The following PDSS2 variants were observed in gnomAD, a reference collection of about 807,000 sequenced individuals.
The protein encoded by PDSS2 is decaprenyl diphosphate synthase subunit 2.
Under a neutral mutation model 44.5 loss-of-function variants are expected in PDSS2, and 31 were observed. That is an observed-to-expected ratio of 0.70 (90% CI 0.52 to 0.94). The LOEUF is 0.94. PDSS2 is among the 40% of genes least tolerant of loss of function. The probability of loss-of-function intolerance (pLI) is 0.00; values close to 1 mark genes in which losing one functional copy is unlikely to be tolerated. For missense variants in PDSS2, 452 were observed against 482.2 expected (o/e 0.94, Z 0.59); for synonymous variants, 157 against 180.3 (o/e 0.87, Z 1.03).
chr6:107,242,440 A>AT (rs1188306410), intron 4 of PDSS2, among the ~76,000 whole-genome samples: 1 of 151,812 alleles, frequency 6.6e-6, no homozygotes, highest in Non-Finnish European at 1.5e-5. Flanking sequence ...ATTTTTTTAT[A>AT]TTTTTAGTAG....
chr6:107,371,329 T>C (rs773332288), intron 1 of PDSS2, among the ~76,000 whole-genome samples: 6 of 152,178 alleles, frequency 3.9e-5, no homozygotes, highest in African/African-American at 1.4e-4. Context: ...CACCAAAGGA[T>C]TGGGGTACTC....
intron 2 of PDSS2, among the ~76,000 whole-genome samples, chr6:107,275,748 C>CT (rs1434092497): frequency 6.6e-6 from 1 of 152,056 alleles, no homozygotes; most frequent in African/African-American, 2.4e-5. Flanking sequence ...GAGGCAAAGG[C>CT]TGAAGGAATG....
At chr6:107,173,827 A>T (rs1771695079) in intron 7 of PDSS2, among the ~76,000 whole-genome samples, 1 of 152,162 alleles carries the variant, frequency 6.6e-6, no homozygotes, top group South Asian at 2.1e-4. Context: ...AGCCAGTAAA[A>T]TCTAACAGGG....
At chr6:107,339,549 A>T (rs1778013782) in intron 1 of PDSS2, among the ~76,000 whole-genome samples, 1 of 152,186 alleles carries the variant, frequency 6.6e-6, no homozygotes, top group African/African-American at 2.4e-5. Context: ...GTAATAAAAA[A>T]CGAATCATGA....
intron 2 of PDSS2, among the ~76,000 whole-genome samples, chr6:107,333,939 GTGA>G (rs1777791701): frequency 6.6e-6 from 1 of 152,172 alleles, no homozygotes; most frequent in Non-Finnish European, 1.5e-5. Flanking sequence ...GGAGGGAGAA[GTGA>G]TGAACAGAAA....
chr6:107,415,143 TA>T (rs199629239), intron 1 of PDSS2, among the ~76,000 whole-genome samples: 1 of 151,786 alleles, frequency 6.6e-6, no homozygotes, highest in Non-Finnish European at 1.5e-5. Flanking sequence ...CATCATAGGT[TA>T]AAAAAAATTT....
intron 3 of PDSS2, among the ~76,000 whole-genome samples, chr6:107,254,849 A>G (rs186982315): frequency 1.2e-4 from 18 of 151,406 alleles, no homozygotes; most frequent in African/African-American, 3.7e-4. Flanking sequence ...GTATAAATAC[A>G]TGTGCATATA....
At chr6:107,282,051 A>T (rs549777160) in intron 2 of PDSS2, among the ~76,000 whole-genome samples, 41 of 152,230 alleles carry the variant, frequency 2.7e-4, no homozygotes, top group African/African-American at 9.4e-4. Context: ...GATTACAGGC[A>T]TGTGCCACAA....
chr6:107,193,168 C>T (rs945469454), intron 7 of PDSS2, among the ~76,000 whole-genome samples: 1 of 152,192 alleles, frequency 6.6e-6, no homozygotes, highest in Non-Finnish European at 1.5e-5. Context: ...TCTGACCTCC[C>T]GCAGCAGTTT....
intron 4 of PDSS2, among the ~76,000 whole-genome samples, chr6:107,233,566 C>A (rs1184723030): frequency 6.6e-6 from 1 of 152,030 alleles, no homozygotes; most frequent in South Asian, 2.1e-4. Flanking sequence ...AATCTCAGTG[C>A]TTTGGGAGGC....
intron 7 of PDSS2, among the ~76,000 whole-genome samples, chr6:107,179,591 G>A (rs887513366): frequency 6.6e-6 from 1 of 152,100 alleles, no homozygotes; most frequent in African/African-American, 2.4e-5. Flanking sequence ...CATCAAGCCA[G>A]AATGTCAAGG....
chr6:107,424,036 CTTTTTTT>C (rs56318621), intron 1 of PDSS2, among the ~76,000 whole-genome samples: 1 of 90,598 alleles, frequency 1.1e-5, no homozygotes, highest in African/African-American at 4.5e-5. Flanking sequence ...TATCTTGCAT[CTTTTTTT>C]TTTTTTTTTT....
chr6:107,258,009 T>C (rs1281388002), intron 3 of PDSS2, among the ~76,000 whole-genome samples: 1 of 152,204 alleles, frequency 6.6e-6, no homozygotes, highest in Non-Finnish European at 1.5e-5. Flanking sequence ...GTATGTGACT[T>C]ACTTGTGTAA....
intron 1 of PDSS2, among the ~76,000 whole-genome samples, chr6:107,412,836 G>C (rs1780547025): frequency 6.6e-6 from 1 of 152,098 alleles, no homozygotes; most frequent in Non-Finnish European, 1.5e-5. Flanking sequence ...ATGTATCTGA[G>C]TATACAACAT....
At chr6:107,171,570 G>T (rs554271748) in intron 7 of PDSS2, among the ~76,000 whole-genome samples, 1 of 151,874 alleles carries the variant, frequency 6.6e-6, no homozygotes, top group East Asian at 1.9e-4. Context: ...GGAGTGCAGT[G>T]GTATGATCAA....
At chr6:107,200,668 T>C (rs1379122767) in intron 6 of PDSS2, among the ~76,000 whole-genome samples, 2 of 151,818 alleles carry the variant, frequency 1.3e-5, no homozygotes, top group African/African-American at 4.8e-5. Context: ...GAGCAAGATA[T>C]TATTATTATT....
chr6:107,374,253 C>CAAAAAAAAA (rs3033569), intron 1 of PDSS2, among the ~76,000 whole-genome samples: 1 of 70,538 alleles, frequency 1.4e-5, no homozygotes, highest in Non-Finnish European at 2.4e-5. Flanking sequence ...GACTCCATCA[C>CAAAAAAAAA]AAAAAAAAAA....
rs538057985 is a variant in PDSS2 at position 107,401,692 on chromosome 6, T to A, written c.296+57298A>T. On this transcript the variant is annotated intron_variant, in intron 1 of 7. Transcript: ENST00000369037. The stretch of plus-strand genomic sequence containing the variant: ...GAAATCAGAAAATCAACTCAGGATA[T>A]GAACAAGAAACACAACTTCTAGAAA... Among the ~76,000 whole-genome samples, 14 of 152,292 alleles carry A rather than the reference T, an allele frequency of 9.2e-5. 1 individual carries two copies. The South Asian group carries it at 2.9e-3, about 32-fold the overall frequency.
intron 3 of PDSS2, among the ~76,000 whole-genome samples, chr6:107,259,389 G>C (rs572960785): frequency 1.3e-5 from 2 of 152,108 alleles, no homozygotes; most frequent in Non-Finnish European, 2.9e-5. Flanking sequence ...GAGGCCAGGC[G>C]TGGTGGCTCA....
Sources: gnomAD v4.1 joint callset for allele counts (sites outside exome capture counted in the v4.1 genomes callset) on GRCh38, gnomAD v4.1.1 for gene constraint, MANE v1.5 for transcripts, NCBI Gene and HGNC (gene_info 2026-07-23, HGNC 2026-07-21) for gene names.